Variants in LAMA3 observed in about 807,000 individuals in gnomAD.
The protein encoded by LAMA3 is laminin subunit alpha 3, also known as laminin subunit alpha-3.
LAMA3 carries 281 observed loss-of-function variants against 402.0 expected under a neutral mutation model. The observed-to-expected ratio is 0.70, with a 90% CI of 0.63 to 0.77. The LOEUF is 0.77. LAMA3 is among the 30% of genes least tolerant of loss of function. LAMA3 has a pLI of 0.00. For missense variants in LAMA3, 3,840 were observed against 4,215.5 expected, an observed-to-expected ratio of 0.91 and a Z score of 2.47; for synonymous variants, 1,431 against 1,558.4, an observed-to-expected ratio of 0.92 and a Z score of 1.93.
chr18:23,891,278 G>A (rs565558787), intron 42 of LAMA3, among the ~76,000 whole-genome samples: 39 of 152,332 alleles, frequency 2.6e-4, no homozygotes, highest in Admixed American at 1.4e-3. Flanking sequence ...CCACAGAACA[G>A]ACAATGGTTT....
chr18:23,872,371 T>A (rs1167911032), intron 38 of LAMA3, among the ~76,000 whole-genome samples: 1 of 152,218 alleles, frequency 6.6e-6, no homozygotes, highest in African/African-American at 2.4e-5. Flanking sequence ...TGAAACTGTT[T>A]AATTTCTCTG....
intron 12 of LAMA3, among the ~76,000 whole-genome samples, chr18:23,790,789 G>C (rs2062635171): frequency 6.6e-6 from 1 of 152,088 alleles, no homozygotes; most frequent in Non-Finnish European, 1.5e-5. Context: ...CTGTTTGAAG[G>C]GCAAGAAAGC....
At chr18:23,714,111 A>G (rs1264625967) in intron 2 of LAMA3, 39 bp downstream of exon 2, 1 of 1,584,016 alleles carries the variant, frequency 6.3e-7, no homozygotes, top group Admixed American at 1.7e-5. Flanking sequence ...ACATGAGCTT[A>G]GATCACTGTT....
In LAMA3 at chr18:23,928,860, T is replaced by G. The variant is rs1159315893; in HGVS notation, c.8436+95T>G. On this transcript the variant is annotated intron_variant, in intron 64 of 74. Transcript: ENST00000313654. ...AGAGATTTAGAAAGTGGTGGAGTTG[T>G]ACATTTTTTCTATCATCACACAGTA... 6 of 1,223,082 alleles carry G rather than the reference T, an allele frequency of 4.9e-6. No homozygotes were observed. The Admixed American group carries it at 5.1e-5, about 10-fold the overall frequency. 75.8% of individuals were successfully genotyped at this position (1,223,082 alleles called of 1,614,324 possible).
At chr18:23,862,657 C>A (rs1893290) in intron 35 of LAMA3, among the ~76,000 whole-genome samples, 1 of 152,122 alleles carries the variant, frequency 6.6e-6, no homozygotes, top group Non-Finnish European at 1.5e-5. Flanking sequence ...CGCTATATGA[C>A]GGGCCCATGT....
At position 23,904,077 on chromosome 18, in the gene LAMA3, C is replaced by G; in HGVS notation, c.6463C>G (p.Gln2155Glu). Residue 2155 changes from glutamine (Q) to glutamate (E), a missense_variant, in exon 50 of 75, where the codon CAG becomes GAG. Transcript: ENST00000313654. ...GCGGTCCTTACAAGAGCTGGCAAAG[C>G]AGCTGGAAGAGTGAGTGCATGGCCC... ...HARSLQELAK[Q>E]LEEIKRNASG... The G allele has an allele frequency of 3.7e-6, 6 of 1,613,650 alleles. No homozygotes were observed. The highest frequency in any genetic ancestry group is 5.1e-6 in the Non-Finnish European group (6 of 1,180,032).
intron 1 of LAMA3, among the ~76,000 whole-genome samples, chr18:23,693,342 C>A (rs1432983535): frequency 6.6e-6 from 1 of 152,010 alleles, no homozygotes. Flanking sequence ...CAAAACAACC[C>A]AAAAATACAA....
At chr18:23,871,310 T>G (rs2064510349) in intron 37 of LAMA3, 121 bp from the exon 38 acceptor site, 3 of 790,708 alleles carry the variant, frequency 3.8e-6, no homozygotes, top group Non-Finnish European at 6.5e-6. Flanking sequence ...CCGTCTTATT[T>G]CATTTCTCCC....
At position 23,846,259 on chromosome 18, in the gene LAMA3, TCCCCAGGCATCA is replaced by T. The variant is rs1486839374; in HGVS notation, c.3720-35_3720-24del. 4.4e-6 allele frequency: 7 copies of T among 1,603,354 alleles called. 1 individual carries two copies. Among genetic ancestry groups the T allele is most frequent in the Non-Finnish European group, 6.0e-6 (7 of 1,170,270 alleles). ...GGTTGAGGCCACTCCCATACACACCTCCCCAGGCATCACCATGAGTTGTTTCTGTCTCCACAG... is the reference window on the plus strand; with the variant it reads ...GGTTGAGGCCACTCCCATACACACCTCCATGAGTTGTTTCTGTCTCCACAG... On this transcript the variant is annotated intron_variant, in intron 30 of 74. Coordinates refer to ENST00000313654, the MANE Select transcript of LAMA3 (RefSeq NM_198129.4).
chr18:23,891,764 G>T (rs1424940281), intron 42 of LAMA3, among the ~76,000 whole-genome samples: 1 of 152,236 alleles, frequency 6.6e-6, no homozygotes, highest in Non-Finnish European at 1.5e-5. Flanking sequence ...GTGCAGGGTA[G>T]GTTAGAGTGT....
intron 62 of LAMA3, among the ~76,000 whole-genome samples, chr18:23,922,945 A>C (rs939027723): frequency 3.0e-4 from 45 of 152,198 alleles, no homozygotes; most frequent in African/African-American, 1.1e-3. Flanking sequence ...TCACTACAGG[A>C]GAACATGACG....
At chr18:23,759,568 CTTGT>C (rs2061927509) in intron 7 of LAMA3, among the ~76,000 whole-genome samples, 2 of 152,038 alleles carry the variant, frequency 1.3e-5, no homozygotes. Flanking sequence ...GCTAATTTTG[CTTGT>C]TTGTTTGTAT....
At position 23,846,358 on chromosome 18, in the gene LAMA3, A is replaced by C; in HGVS notation, c.3781A>C (p.Lys1261Gln). The part of the protein sequence containing the change: ...SARSLVAFYH[K>Q]GALPCECHPT... ...CAGGTCCCTGGTGGCCTTTTACCAC[A>C]AGGGCGCCCTGCCTTGTGAGTGCCA... is the stretch of plus-strand genomic sequence containing the variant. The change falls in exon 31 of 75, where the codon AAG becomes CAG. Residue 1261 changes from lysine (K) to glutamine (Q), a missense_variant. Physicochemically the swap from Lys to Gln is moderately conservative, Grantham distance 53. Around this residue, in one of 3 missense-constraint regions of LAMA3, gnomAD observed 2,109 missense variants for 2,376.0 expected, o/e 0.89. Transcript: ENST00000313654. 1 of 1,614,192 alleles carries C rather than the reference A, an allele frequency of 6.2e-7. No homozygotes were observed. Among genetic ancestry groups the C allele is most frequent in the Non-Finnish European group, 8.5e-7 (1 of 1,180,020 alleles).
At chr18:23,805,289 TTCTGTACAG>T (rs2062941047) in intron 12 of LAMA3, among the ~76,000 whole-genome samples, 1 of 152,188 alleles carries the variant, frequency 6.6e-6, no homozygotes, top group Non-Finnish European at 1.5e-5. Context: ...TACATCTATG[TTCTGTACAG>T]GCCAAATAGA....
rs1395781997 is a variant in LAMA3 at position 23,952,871 on chromosome 18, A to C, written c.9737-119A>C. ...ATTGAATTTATATCTAAGCTGACCA[A>C]ATTTCTGCAAACAGCACTCCCACAG... is the stretch of plus-strand genomic sequence containing the variant. On this transcript the variant is annotated intron_variant, in intron 73 of 74. Coordinates refer to ENST00000313654, the MANE Select transcript of LAMA3 (RefSeq NM_198129.4). 16 of 1,382,574 alleles carry C rather than the reference A, an allele frequency of 1.2e-5. No homozygotes were observed. The East Asian group carries it at 1.6e-4, about 14-fold the overall frequency. The allele number at this position is 1,382,574 out of a possible 1,614,324, so 85.6% of individuals were successfully genotyped here.
rs1272465935 is a variant in LAMA3, at chr18:23,763,528, G to A, written c.1182+5G>A. On this transcript the variant is annotated splice_donor_5th_base_variant and intron_variant, in intron 8 of 74. Transcript: ENST00000313654. ...GGGGTCTGCATTAACTGTCAGGTGA[G>A]GCACTATTTAAATCAAAGTGGATGT... The A allele has an allele frequency of 1.3e-6, 2 of 1,528,398 alleles. No individual in the cohort carries two copies. The highest frequency in any genetic ancestry group is 1.8e-6 in the Non-Finnish European group (2 of 1,101,946). The allele number at this position is 1,528,398 out of a possible 1,614,324, so 94.7% of individuals were successfully genotyped here.
intron 41 of LAMA3, among the ~76,000 whole-genome samples, chr18:23,886,332 T>C (rs917753609): frequency 1.3e-5 from 2 of 152,196 alleles, no homozygotes; most frequent in African/African-American, 4.8e-5. Flanking sequence ...AAAGGATCAA[T>C]ATTTTAAATA....
At chr18:23,782,907 C>T (rs1168053486) in intron 11 of LAMA3, among the ~76,000 whole-genome samples, 1 of 151,690 alleles carries the variant, frequency 6.6e-6, no homozygotes. Context: ...TGTGTGCTGG[C>T]CCTGGGGGCC....
In LAMA3 at chr18:23,833,928, A is replaced by C; in HGVS notation, c.2924A>C (p.Asn975Thr). ...EAAQLFVVDVNVKSSGSVLAG... is the reference protein window; with the variant it reads ...EAAQLFVVDVTVKSSGSVLAG... ...GCTCAGCTGTTTGTGGTTGATGTGA[A>C]TGTGAAGAGCTCCGGGTCTGTTCTG... The change falls in exon 24 of 75, where the codon AAT becomes ACT. Residue 975 changes from asparagine (N) to threonine (T), a missense_variant. Asn to Thr is a moderately conservative substitution (Grantham distance 65). This residue lies in a region of LAMA3 where 2,109 missense variants were observed against 2,376.0 expected (regional missense o/e 0.89). Transcript: ENST00000313654. 6.2e-7 allele frequency: 1 copy of C among 1,614,230 alleles called. No individual in the cohort carries two copies. The highest frequency in any genetic ancestry group is 8.5e-7 in the Non-Finnish European group (1 of 1,180,044).
Sources: gnomAD v4.1 joint callset for allele counts (sites outside exome capture counted in the v4.1 genomes callset) on GRCh38, gnomAD v4.1.1 for gene constraint, gnomAD v4.1.1 regional missense constraint, MANE v1.5 for transcripts, NCBI Gene and HGNC (gene_info 2026-07-23, HGNC 2026-07-21) for gene names.